Variants in TUSC3 observed in about 807,000 individuals in gnomAD.
The protein encoded by TUSC3 is tumor suppressor candidate 3.
In TUSC3, 45 loss-of-function variants were observed where a neutral mutation model predicts 44.8. The ratio of observed to expected loss-of-function variants is 1.00; its 90% CI spans 0.79 to 1.29. TUSC3 has a LOEUF of 1.29. Among genes scored for constraint, TUSC3 ranks in the 50% most tolerant of loss-of-function variants. TUSC3 has a pLI of 0.00. For synonymous variants in TUSC3, 212 were observed against 152.9 expected (o/e 1.39, Z -2.85); for missense variants, 519 against 437.9 (o/e 1.19, Z -1.65).
intron 6 of TUSC3, among the ~76,000 whole-genome samples, chr8:15,705,657 A>T (rs1809585905): frequency 6.6e-6 from 1 of 152,038 alleles, no homozygotes; most frequent in Non-Finnish European, 1.5e-5. Flanking sequence ...TATGTGATAG[A>T]GTGGAAGAAA....
At chr8:15,653,681 G>T (rs1252893924) in intron 3 of TUSC3, among the ~76,000 whole-genome samples, 1 of 152,158 alleles carries the variant, frequency 6.6e-6, no homozygotes, top group African/African-American at 2.4e-5. Context: ...AAAAGTTATA[G>T]CAGTTAATGA....
chr8:15,715,747 G>T (rs1810031638), intron 6 of TUSC3, among the ~76,000 whole-genome samples: 1 of 149,378 alleles, frequency 6.7e-6, no homozygotes, highest in Non-Finnish European at 1.5e-5. Context: ...CTCTATTTTA[G>T]AAAAAAAAAT....
intron 6 of TUSC3, among the ~76,000 whole-genome samples, chr8:15,717,578 C>T (rs1402965023): frequency 3.3e-5 from 5 of 152,166 alleles, no homozygotes; most frequent in South Asian, 2.1e-4. Flanking sequence ...TGCAGTATTA[C>T]GTACTTATCT....
chr8:15,751,381 T>G (rs1811695557), intron 9 of TUSC3, among the ~76,000 whole-genome samples: 1 of 152,166 alleles, frequency 6.6e-6, no homozygotes, highest in Non-Finnish European at 1.5e-5. Context: ...CTCCAATCCT[T>G]CCACTATTAT....
At chr8:15,587,051 C>G (rs962717586) in intron 1 of TUSC3, among the ~76,000 whole-genome samples, 3 of 152,132 alleles carry the variant, frequency 2.0e-5, no homozygotes, top group Non-Finnish European at 2.9e-5. Flanking sequence ...TTCTTACTCC[C>G]TTCGACATGC....
intron 5 of TUSC3, among the ~76,000 whole-genome samples, chr8:15,664,550 C>T (rs1245660560): frequency 6.7e-6 from 1 of 148,926 alleles, no homozygotes; most frequent in South Asian, 2.1e-4. Context: ...TCTAAGATAC[C>T]TTGGCAGGTA....
At chr8:15,585,673 T>A (rs2129148508) in intron 1 of TUSC3, among the ~76,000 whole-genome samples, 1 of 152,256 alleles carries the variant, frequency 6.6e-6, no homozygotes, top group African/African-American at 2.4e-5. Flanking sequence ...CTGTGGATGT[T>A]TTAGGGGATG....
At chr8:15,779,725 T>C in the TUSC3 span, among the ~76,000 whole-genome samples, 1 of 152,230 alleles carries the variant, frequency 6.6e-6, no homozygotes, top group Non-Finnish European at 1.5e-5. Flanking sequence ...TCAGCTATTT[T>C]TGGTAAGCAT....
chr8:15,584,064 C>T lies in TUSC3; in HGVS notation c.139-39016C>T, dbSNP rs867293221. On this transcript the variant is annotated intron_variant, in intron 1 of 10. Transcript: ENST00000503731. ...TACTTAAAGGCAGTGTAATCAAACA[C>T]AGCAGCTTAACTGTTTTAATATTTC... 2.6e-5 allele frequency among the ~76,000 whole-genome samples: 4 copies of T among 151,298 alleles called. 1 individual carries two copies. Among genetic ancestry groups the T allele is most frequent in the Middle Eastern group, 6.8e-3 (2 of 294 alleles).
intron 2 of TUSC3, among the ~76,000 whole-genome samples, chr8:15,529,643 G>C (rs545280462): frequency 6.6e-6 from 1 of 151,970 alleles, no homozygotes; most frequent in African/African-American, 2.4e-5. Context: ...AATATGTTTA[G>C]AAAAATGGCT....
intron 6 of TUSC3, among the ~76,000 whole-genome samples, chr8:15,695,535 G>A (rs1809123675): frequency 6.6e-6 from 1 of 152,180 alleles, no homozygotes; most frequent in Non-Finnish European, 1.5e-5. Context: ...GGTACTGGTG[G>A]AGTGGGGCGA....
upstream of TUSC3, among the ~76,000 whole-genome samples, chr8:15,537,513 A>T (rs191169412): frequency 6.6e-6 from 1 of 152,298 alleles, no homozygotes; most frequent in East Asian, 1.9e-4. Context: ...ATCTCTTCAA[A>T]CATTTTACAG....
intron 5 of TUSC3, among the ~76,000 whole-genome samples, chr8:15,668,565 G>A (rs1238491427): frequency 6.6e-6 from 1 of 151,740 alleles, no homozygotes; most frequent in Non-Finnish European, 1.5e-5. Context: ...AATCAGATAT[G>A]TATATCAGTA....
intron 2 of TUSC3, among the ~76,000 whole-genome samples, chr8:15,508,009 A>G (rs1274828229): frequency 6.6e-6 from 1 of 152,156 alleles, no homozygotes; most frequent in African/African-American, 2.4e-5. Context: ...TGGGAGGCCG[A>G]AGTGGGTGGA....
At chr8:15,806,125 C>T in the TUSC3 span, 11 of 437,930 alleles carry the variant, frequency 2.5e-5, no homozygotes, top group African/African-American at 2.0e-4. Flanking sequence ...TGAAGGTAAA[C>T]TCCATGGCTA....
At chr8:15,848,186 G>A in the TUSC3 span, among the ~76,000 whole-genome samples, 1 of 152,036 alleles carries the variant, frequency 6.6e-6, no homozygotes, top group African/African-American at 2.4e-5. Context: ...CAACTTACCT[G>A]GCACCTCAGC....
chr8:15,536,373 C>G (rs927175420), upstream of TUSC3, among the ~76,000 whole-genome samples: 5 of 152,092 alleles, frequency 3.3e-5, no homozygotes, highest in African/African-American at 1.2e-4. Flanking sequence ...TCACTCCAGA[C>G]ACTTTACCAA....
chr8:15,773,529 G>T, the TUSC3 span, among the ~76,000 whole-genome samples: 1 of 152,120 alleles, frequency 6.6e-6, no homozygotes, highest in Non-Finnish European at 1.5e-5. Context: ...TTCTCAAAAT[G>T]ATCTACAAAT....
At position 15,664,441 on chromosome 8, in the gene TUSC3, TTATTATTA is replaced by T. The variant is rs1807566570; in HGVS notation, c.708+2147_708+2154del. ...ACCTCTGCTATGTTATACAGATTTA[TTATTATTA>T]TTATTATTATTATTATTATTATTAT... On this transcript the variant is annotated intron_variant, in intron 5 of 10. Coordinates refer to ENST00000503731, the MANE Select transcript of TUSC3 (RefSeq NM_006765.4). 3.0e-3 allele frequency among the ~76,000 whole-genome samples: 22 copies of T among 7,310 alleles called. No homozygotes were observed. In the East Asian group the frequency reaches 0.18, roughly 61 times the overall value. The allele number at this position is 7,310 out of a possible 152,430, so 4.8% of individuals were successfully genotyped here. A position where few individuals can be genotyped will look rare whatever the true frequency, so the allele number is the denominator to read the frequency against.
Sources: allele counts gnomAD v4.1 joint callset (sites outside exome capture counted in the v4.1 genomes callset), GRCh38; gene constraint gnomAD v4.1.1; transcripts MANE v1.5; gene names NCBI Gene and HGNC (gene_info 2026-07-23, HGNC 2026-07-21).